Variants in NFIB observed in about 807,000 individuals in gnomAD.
NFIB encodes the protein nuclear factor I B, also known as nuclear factor 1 B-type.
A neutral mutation model predicts 61.5 loss-of-function variants in NFIB; 11 were observed. The ratio of observed to expected loss-of-function variants is 0.18; its 90% CI spans 0.11 to 0.30. The LOEUF (loss-of-function observed/expected upper bound fraction) is 0.30, where lower values mean the gene tolerates loss of function less well. NFIB is among the 10% of genes least tolerant of loss of function. The pLI is 1.00. For missense variants in NFIB, 471 were observed against 608.9 expected (o/e 0.77, Z 2.38); for synonymous variants, 260 against 216.5 (o/e 1.20, Z -1.76).
At chr9:14,203,075 A>T (rs976892179) in intron 2 of NFIB, among the ~76,000 whole-genome samples, 1 of 152,166 alleles carries the variant, frequency 6.6e-6, no homozygotes, top group African/African-American at 2.4e-5. Context: ...CATCAACACG[A>T]GTGTCTTTTT....
chr9:14,403,174 C>T (rs2061758533), upstream of NFIB, among the ~76,000 whole-genome samples: 2 of 152,210 alleles, frequency 1.3e-5, no homozygotes, highest in African/African-American at 4.8e-5. Flanking sequence ...TATACAGGCA[C>T]CTGGCTCTGC....
intron 9 of NFIB, 84 bp from the exon 10 acceptor site, chr9:14,113,165 A>C: frequency 2.4e-6 from 3 of 1,267,986 alleles, no homozygotes; most frequent in Non-Finnish European, 3.2e-6. Flanking sequence ...AACCCAGAGA[A>C]GTGGGATTTG....
rs1348313446 is a variant in NFIB at position 14,083,965 on chromosome 9, A to G, written c.*4344T>C. ...GCTAAAGGCCGTATATACTAATAAA[A>G]AGACAGTGGTGCTTCGACATTCTGA... On this transcript the variant is annotated 3_prime_UTR_variant, in exon 11 of 11. Transcript: ENST00000380953. The G allele has an allele frequency of 4.5e-6, 1 of 220,110 alleles. No homozygotes were observed. Among genetic ancestry groups the G allele is most frequent in the Admixed American group, 5.8e-5 (1 of 17,264 alleles). 13.6% of individuals were successfully genotyped at this position (220,110 alleles called of 1,614,324 possible). A position where few individuals can be genotyped will look rare whatever the true frequency, so the allele number is the denominator to read the frequency against.
At chr9:14,381,073 C>CAAAAAA (rs34848529) in intron 1 of NFIB, among the ~76,000 whole-genome samples, 11 of 82,546 alleles carry the variant, frequency 1.3e-4, no homozygotes, top group East Asian at 1.1e-3. Context: ...GACTCCGTCT[C>CAAAAAA]AAAAAAAAAA....
the NFIB span, among the ~76,000 whole-genome samples, chr9:14,498,328 C>T: frequency 6.6e-6 from 1 of 152,182 alleles, no homozygotes; most frequent in African/African-American, 2.4e-5. Context: ...GTGTGAATCT[C>T]ACATTTGGTC....
chr9:14,377,042 C>A (rs1054581470), intron 1 of NFIB, among the ~76,000 whole-genome samples: 5 of 152,102 alleles, frequency 3.3e-5, no homozygotes, highest in Non-Finnish European at 5.9e-5. Flanking sequence ...ACCTTTCACC[C>A]CAAATTCTGA....
intron 4 of NFIB, among the ~76,000 whole-genome samples, chr9:14,151,960 C>G (rs953712728): frequency 6.6e-6 from 1 of 151,944 alleles, no homozygotes; most frequent in Non-Finnish European, 1.5e-5. Flanking sequence ...AGTTTTCTTA[C>G]CCCTCATTTT....
At chr9:14,274,338 G>C (rs1031728373) in intron 2 of NFIB, among the ~76,000 whole-genome samples, 2 of 150,278 alleles carry the variant, frequency 1.3e-5, no homozygotes, top group African/African-American at 4.9e-5. Flanking sequence ...ATGTTTTTCA[G>C]AATTTCTCAG....
At chr9:14,409,191 G>A in the NFIB span, among the ~76,000 whole-genome samples, 2 of 152,082 alleles carry the variant, frequency 1.3e-5, no homozygotes, top group Non-Finnish European at 1.5e-5. Flanking sequence ...AAATAACTAG[G>A]AAGTGATGAG....
At chr9:14,503,919 T>C in the NFIB span, among the ~76,000 whole-genome samples, 2 of 152,240 alleles carry the variant, frequency 1.3e-5, no homozygotes, top group Non-Finnish European at 2.9e-5. Flanking sequence ...ACAAGGGTTC[T>C]TCTGATGTTC....
upstream of NFIB, among the ~76,000 whole-genome samples, chr9:14,401,179 G>T (rs968984454): frequency 5.3e-5 from 8 of 152,178 alleles, no homozygotes; most frequent in African/African-American, 1.9e-4. Flanking sequence ...AAGGCTCATT[G>T]TGTGTCTACC....
At chr9:14,334,223 T>G (rs1408876404) in intron 1 of NFIB, among the ~76,000 whole-genome samples, 2 of 152,220 alleles carry the variant, frequency 1.3e-5, no homozygotes, top group Non-Finnish European at 2.9e-5. Context: ...TCTTTTGGGG[T>G]ATAAGCCTAT....
rs1255418461 is a variant in NFIB at position 14,326,682 on chromosome 9, G to A, written c.109-19162C>T. On this transcript the variant is annotated intron_variant, in intron 1 of 8. Coordinates refer to the NFIB transcript ENST00000380934. ...ACCAACCAGAGGTTTTCAAGAGCAGGTTAAAGTGGTTTACAGAAAAAAAAA... is the reference window on the plus strand; with the variant it reads ...ACCAACCAGAGGTTTTCAAGAGCAGATTAAAGTGGTTTACAGAAAAAAAAA... 3.4e-5 allele frequency among the ~76,000 whole-genome samples: 4 copies of A among 118,946 alleles called. No individual in the cohort carries two copies. In the East Asian group the frequency reaches 1.1e-3, roughly 34 times the overall value. 78.0% of individuals were successfully genotyped at this position (118,946 alleles called of 152,430 possible). A position where few individuals can be genotyped will look rare whatever the true frequency, so the allele number is the denominator to read the frequency against.
intron 6 of NFIB, among the ~76,000 whole-genome samples, chr9:14,132,844 C>A (rs2040558516): frequency 6.6e-6 from 1 of 152,186 alleles, no homozygotes; most frequent in Non-Finnish European, 1.5e-5. Context: ...AGATTATAGG[C>A]TTGATTCATT....
In NFIB at chr9:14,398,797, G is replaced by T. The variant is rs971056913; in HGVS notation, c.-166C>A. 5.3e-5 allele frequency: 29 copies of T among 545,948 alleles called. 1 individual carries two copies. In the South Asian group the frequency reaches 6.8e-4, roughly 13 times the overall value. 33.8% of individuals were successfully genotyped at this position (545,948 alleles called of 1,614,324 possible). ...TGAGGGTGACTGATGGATCTTTATGGAGCAGAGCAAGCTGTTAAAAACAAA... is the reference window on the plus strand; with the variant it reads ...TGAGGGTGACTGATGGATCTTTATGTAGCAGAGCAAGCTGTTAAAAACAAA... On this transcript the variant is annotated 5_prime_UTR_variant, in exon 1 of 9. Transcript: ENST00000380934.
intron 3 of NFIB, among the ~76,000 whole-genome samples, chr9:14,161,490 A>C (rs2131275826): frequency 6.6e-6 from 1 of 151,798 alleles, no homozygotes; most frequent in East Asian, 1.9e-4. Context: ...CCAGTCCTTT[A>C]AACTTTTTCC....
At chr9:14,443,971 T>C in the NFIB span, among the ~76,000 whole-genome samples, 2 of 152,204 alleles carry the variant, frequency 1.3e-5, no homozygotes, top group African/African-American at 4.8e-5. Flanking sequence ...TCAAAGGCTC[T>C]TCAGTGTGTG....
intron 1 of NFIB, among the ~76,000 whole-genome samples, chr9:14,388,904 A>G (rs1179282219): frequency 6.6e-6 from 1 of 152,240 alleles, no homozygotes; most frequent in Non-Finnish European, 1.5e-5. Flanking sequence ...AATGGTTTCA[A>G]GCCTGGATGT....
At chr9:14,338,855 C>G (rs1364776692) in intron 1 of NFIB, among the ~76,000 whole-genome samples, 3 of 152,014 alleles carry the variant, frequency 2.0e-5, no homozygotes, top group Admixed American at 2.0e-4. Flanking sequence ...CCTCCTTCCC[C>G]CCTTGGATCC....
Sources: gnomAD v4.1 joint callset for allele counts (sites outside exome capture counted in the v4.1 genomes callset) on GRCh38, gnomAD v4.1.1 for gene constraint, MANE v1.5 for transcripts, NCBI Gene and HGNC (gene_info 2026-07-23, HGNC 2026-07-21) for gene names.